Variants in MAP3K10 observed in about 807,000 individuals in gnomAD.
MAP3K10 encodes MKN28 derived nonreceptor_type serine/threonine kinase.
Under a neutral mutation model 75.0 loss-of-function variants are expected in MAP3K10, and 22 were observed. The ratio of observed to expected loss-of-function variants is 0.29; its 90% CI spans 0.21 to 0.42. The LOEUF is 0.42. Ranked by LOEUF, MAP3K10 falls within the 10% of genes least tolerant of loss-of-function variation. The probability of loss-of-function intolerance (pLI) is 1.00; values close to 1 mark genes in which losing one functional copy is unlikely to be tolerated. For synonymous variants in MAP3K10, 599 were observed against 612.9 expected, an observed-to-expected ratio of 0.98 and a Z score of 0.34; for missense variants, 1,165 against 1,379.8, an observed-to-expected ratio of 0.84 and a Z score of 2.47.
rs1973269676 is a variant in MAP3K10 at position 40,213,037 on chromosome 19, C to T, written c.1725-39C>T. The T allele has an allele frequency of 6.3e-7, 1 of 1,598,274 alleles. No homozygotes were observed. On this transcript the variant is annotated intron_variant, in intron 7 of 9. Coordinates refer to ENST00000253055, the MANE Select transcript of MAP3K10 (RefSeq NM_002446.4). This position sits in a 1 kb window ranked among gnomAD's most constrained non-coding sequence, Gnocchi z 5.7. ...AAGCCCCAGCTCCCAGGCTCCAGGC[C>T]ACAGGACTGAGGTCTCCATCTCTCC...
chr19:40,215,006 ACC>A lies in MAP3K10; in HGVS notation c.2583_2584del (p.Gln862GlyfsTer11). ...CTTCTGGACTTCCCCCGCCTGCCCG[ACC>A]CCCAGGCCCTGTTCCCAGCCCGCCG... On this transcript the variant is annotated frameshift_variant, in exon 10 of 10. Coordinates refer to ENST00000253055, the MANE Select transcript of MAP3K10 (RefSeq NM_002446.4). LOFTEE classifies it high-confidence loss of function. The A allele has an allele frequency of 6.4e-7, 1 of 1,563,466 alleles. No homozygotes were observed. Among genetic ancestry groups the A allele is most frequent in the Non-Finnish European group, 8.7e-7 (1 of 1,147,810 alleles).
chr19:40,202,976 G>A (rs1973053946), intron 2 of MAP3K10, among the ~76,000 whole-genome samples: 1 of 152,222 alleles, frequency 6.6e-6, no homozygotes, highest in South Asian at 2.1e-4. Flanking sequence ...GCTGCATATG[G>A]GGGCAGTGAT....
chr19:40,206,914 A>G (rs992147920), intron 5 of MAP3K10, among the ~76,000 whole-genome samples: 1 of 152,162 alleles, frequency 6.6e-6, no homozygotes, highest in African/African-American at 2.4e-5. Context: ...GCTCTAGAAC[A>G]TGGTGAAATC....
intron 2 of MAP3K10, among the ~76,000 whole-genome samples, chr19:40,200,612 C>CTTTTTTTT (rs71171548): frequency 7.5e-5 from 6 of 79,948 alleles, no homozygotes; most frequent in Non-Finnish European, 1.2e-4. Context: ...TTTGTGCTAC[C>CTTTTTTTT]TTTTTTTTTT....
At position 40,206,064 on chromosome 19, in the gene MAP3K10, G is replaced by C; in HGVS notation, c.1342G>C (p.Glu448Gln). 6.2e-7 allele frequency: 1 copy of C among 1,613,468 alleles called. No homozygotes were observed. Among genetic ancestry groups the C allele is most frequent in the Non-Finnish European group, 8.5e-7 (1 of 1,179,740 alleles). ...CCTGCTCATGTGCCAGCTGAGCCAGGAGAAGCCCCGGGTCCGCAAGCGCAA... is the reference window on the plus strand; with the variant it reads ...CCTGCTCATGTGCCAGCTGAGCCAGCAGAAGCCCCGGGTCCGCAAGCGCAA... The part of the protein sequence containing the change: ...LHLLMCQLSQ[E>Q]KPRVRKRKGN... The change falls in exon 5 of 10, where the codon GAG becomes CAG. Residue 448 changes from glutamate (E) to glutamine (Q), a missense_variant. Physicochemically the swap from Glu to Gln is conservative, Grantham distance 29. This residue lies in a region of MAP3K10 where 575 missense variants were observed against 793.2 expected (regional missense o/e 0.72). Transcript: ENST00000253055.
Position 40,212,076 on chromosome 19 carries a change from G to T in MAP3K10, c.1553-729G>T, listed in dbSNP as rs1037354964. Among the ~76,000 whole-genome samples, 2 of 152,160 alleles carry T rather than the reference G, an allele frequency of 1.3e-5. No homozygotes were observed. The highest frequency in any genetic ancestry group is 2.9e-5 in the Non-Finnish European group (2 of 68,024). On this transcript the variant is annotated intron_variant, in intron 6 of 9. Transcript: ENST00000253055. This position sits in a 1 kb window ranked among gnomAD's most constrained non-coding sequence, Gnocchi z 4.2. ...TGGGGCAGCCCCCAGAGCCATGCGA[G>T]CAAGGCACTGAGGGAATCAAATTGA... is the stretch of plus-strand genomic sequence containing the variant.
Position 40,213,955 on chromosome 19 carries a change from G to T in MAP3K10, c.2276G>T (p.Arg759Leu), listed in dbSNP as rs1310742857. 7.2e-6 allele frequency: 11 copies of T among 1,532,490 alleles called. No individual in the cohort carries two copies. The highest frequency in any genetic ancestry group is 8.7e-6 in the Non-Finnish European group (10 of 1,147,292). 94.9% of individuals were successfully genotyped at this position (1,532,490 alleles called of 1,614,324 possible). Residue 759 changes from arginine to leucine, a missense_variant, in exon 9 of 10, where the codon CGT (arginine) becomes CTT (leucine). Coordinates refer to ENST00000253055, the MANE Select transcript of MAP3K10 (RefSeq NM_002446.4). The surrounding 1 kb of genome is among the most constrained non-coding windows in gnomAD (Gnocchi z 5.7). ...TCCGTGTCCGACTGCAACTCCACGC[G>T]TTCACTGCTGCGCTCTGACAGTGAC... Reference protein sequence around the residue: ...LSSVSDCNSTRSLLRSDSDEA... With the variant: ...LSSVSDCNSTLSLLRSDSDEA...
rs780485487 is a variant in MAP3K10 at position 40,205,159 on chromosome 19, G to T, written c.1051G>T (p.Gly351Cys). The change falls in exon 4 of 10, where the codon GGT becomes TGT. Residue 351 changes from glycine (G) to cysteine (C), a missense_variant. By Grantham distance (159) the Gly-to-Cys change is radical. Around this residue, in one of 2 missense-constraint regions of MAP3K10, gnomAD observed 575 missense variants for 793.2 expected, o/e 0.72. Transcript: ENST00000253055. This position sits in a 1 kb window ranked among gnomAD's most constrained non-coding sequence, Gnocchi z 4.3. Reference sequence around the variant, plus strand: ...AGACCCCCACGGGCGGCCAGATTTCGGTAGCATCTTGAAGCGGCTTGAAGT... The same window carrying T: ...AGACCCCCACGGGCGGCCAGATTTCTGTAGCATCTTGAAGCGGCTTGAAGT... ...DPDPHGRPDF[G>C]SILKRLEVIE... 1 of 1,613,834 alleles carries T rather than the reference G, an allele frequency of 6.2e-7. No homozygotes were observed. The highest frequency in any genetic ancestry group is 8.5e-7 in the Non-Finnish European group (1 of 1,180,032).
intron 1 of MAP3K10, among the ~76,000 whole-genome samples, chr19:40,193,335 G>T (rs1405009151): frequency 6.6e-6 from 1 of 152,216 alleles, no homozygotes; most frequent in Non-Finnish European, 1.5e-5. Flanking sequence ...GGCCGAGCTG[G>T]CCAAGGCAAA....
chr19:40,214,087 A>G lies in MAP3K10; in HGVS notation c.2408A>G (p.Lys803Arg). 6.4e-7 allele frequency: 1 copy of G among 1,556,390 alleles called. No individual in the cohort carries two copies. Among genetic ancestry groups the G allele is most frequent in the Non-Finnish European group, 8.6e-7 (1 of 1,158,832 alleles). The change falls in exon 9 of 10, where the codon AAG becomes AGG. Residue 803 changes from lysine to arginine, a missense_variant. Coordinates refer to ENST00000253055, the MANE Select transcript of MAP3K10 (RefSeq NM_002446.4). ...GTGGACCTGGAGCTGGAGAGCTTCA[A>G]GAAGGACCCCCGCCAGTCGCTCACG... is the stretch of plus-strand genomic sequence containing the variant. ...PLVDLELESF[K>R]KDPRQSLTPT... is the part of the protein sequence containing the mutation.
In MAP3K10 at chr19:40,204,380, G is replaced by A; in HGVS notation, c.864-105G>A. Reference sequence around the variant, plus strand: ...CTTGTGACCTCATTGGCCGGGGGTGGCTGTTGGGGTGAGGGCAGCCCTGCA... The same window carrying A: ...CTTGTGACCTCATTGGCCGGGGGTGACTGTTGGGGTGAGGGCAGCCCTGCA... On this transcript the variant is annotated intron_variant, in intron 2 of 9. Transcript: ENST00000253055. This position sits in a 1 kb window ranked among gnomAD's most constrained non-coding sequence, Gnocchi z 4.3. 7.7e-7 allele frequency: 1 copy of A among 1,303,062 alleles called. No individual in the cohort carries two copies. Among genetic ancestry groups the A allele is most frequent in the Non-Finnish European group, 1.0e-6 (1 of 966,166 alleles). 80.7% of individuals were successfully genotyped at this position (1,303,062 alleles called of 1,614,324 possible). A position where few individuals can be genotyped will look rare whatever the true frequency, so the allele number is the denominator to read the frequency against.
chr19:40,197,283 C>T (rs757051187), intron 1 of MAP3K10, among the ~76,000 whole-genome samples: 7 of 152,258 alleles, frequency 4.6e-5, no homozygotes, highest in South Asian at 2.1e-4. Flanking sequence ...GCAAGTCATA[C>T]GGCTGAGCCA....
In MAP3K10 at chr19:40,205,315, G is replaced by T. The variant is rs751882015; in HGVS notation, c.1188+19G>T. 86 of 1,613,412 alleles carry T rather than the reference G, an allele frequency of 5.3e-5. 1 individual carries two copies. In the East Asian group the frequency reaches 1.8e-3, roughly 33 times the overall value. ...GGAGAAGGTGAAGGCAGGGGGCAAGGTGGGAAAGATGGAGCAAGACCCCTG... is the reference window on the plus strand; with the variant it reads ...GGAGAAGGTGAAGGCAGGGGGCAAGTTGGGAAAGATGGAGCAAGACCCCTG... On this transcript the variant is annotated intron_variant, in intron 4 of 9. Coordinates refer to ENST00000253055, the MANE Select transcript of MAP3K10 (RefSeq NM_002446.4). This position sits in a 1 kb window ranked among gnomAD's most constrained non-coding sequence, Gnocchi z 4.3.
Position 40,213,287 on chromosome 19 carries a change from A to T in MAP3K10, c.1837+99A>T, listed in dbSNP as rs1973275658. 5.5e-6 allele frequency: 8 copies of T among 1,453,882 alleles called. No homozygotes were observed. Among genetic ancestry groups the T allele is most frequent in the Non-Finnish European group, 7.2e-6 (8 of 1,105,474 alleles). 90.1% of individuals were successfully genotyped at this position (1,453,882 alleles called of 1,614,324 possible). A position where few individuals can be genotyped will look rare whatever the true frequency, so the allele number is the denominator to read the frequency against. ...GAGACCAGGTTTCACTGGGCCAGTG[A>T]GTGGAAGGCCTTCCTGGGAAGGGAG... On this transcript the variant is annotated intron_variant, in intron 8 of 9. Transcript: ENST00000253055. This position sits in a 1 kb window ranked among gnomAD's most constrained non-coding sequence, Gnocchi z 5.7.
intron 6 of MAP3K10, among the ~76,000 whole-genome samples, chr19:40,211,470 C>T (rs1299862398): frequency 6.6e-6 from 1 of 151,824 alleles, no homozygotes; most frequent in Non-Finnish European, 1.5e-5. Context: ...CACCTGTCAA[C>T]CCATCACCTA....
chr19:40,209,838 A>T (rs1487621343), intron 6 of MAP3K10, among the ~76,000 whole-genome samples: 3 of 152,142 alleles, frequency 2.0e-5, no homozygotes, highest in African/African-American at 7.2e-5. Flanking sequence ...GATATATAGA[A>T]AGAGATGTAT....
chr19:40,205,278 C>A lies in MAP3K10; in HGVS notation c.1170C>A (p.Asp390Glu). The change falls in exon 4 of 10, where the codon GAC (aspartate) becomes GAA (glutamate). Residue 390 changes from aspartate to glutamate, a missense_variant. Physicochemically the swap from Asp to Glu is conservative, Grantham distance 45. Transcript: ENST00000253055. This position sits in a 1 kb window ranked among gnomAD's most constrained non-coding sequence, Gnocchi z 4.3. The stretch of plus-strand genomic sequence containing the variant: ...TGGAGATTCAGCACATGTTTGATGA[C>A]CTTCGGACCAAGGAGAAGGTGAAGG... Reference protein sequence around the residue: ...WKLEIQHMFDDLRTKEKELRS... With the variant: ...WKLEIQHMFDELRTKEKELRS... 2.5e-6 allele frequency: 4 copies of A among 1,614,004 alleles called. No homozygotes were observed. Among genetic ancestry groups the A allele is most frequent in the Non-Finnish European group, 3.4e-6 (4 of 1,180,010 alleles).
At chr19:40,207,143 A>T (rs1333596917) in intron 5 of MAP3K10, among the ~76,000 whole-genome samples, 1 of 152,124 alleles carries the variant, frequency 6.6e-6, no homozygotes, top group Non-Finnish European at 1.5e-5. Flanking sequence ...ATATTTGACC[A>T]TTTTTTTACC....
chr19:40,194,011 C>G (rs1162969424), intron 1 of MAP3K10, among the ~76,000 whole-genome samples: 6 of 152,102 alleles, frequency 3.9e-5, no homozygotes, highest in Non-Finnish European at 8.8e-5. Flanking sequence ...AATTGTAAGC[C>G]CCTAGAATAG....
Sources: gnomAD v4.1 joint callset for allele counts (sites outside exome capture counted in the v4.1 genomes callset) on GRCh38, gnomAD v4.1.1 for gene constraint, gnomAD v4.1.1 regional missense constraint, Gnocchi (gnomAD v3.1) non-coding constraint, MANE v1.5 for transcripts, NCBI Gene and HGNC (gene_info 2026-07-23, HGNC 2026-07-21) for gene names.